Variants in APOOL observed in about 807,000 individuals in gnomAD.
APOOL encodes MICOS complex subunit MIC27.
Under a neutral mutation model 23.1 loss-of-function variants are expected in APOOL, and 12 were observed. The ratio of observed to expected loss-of-function variants is 0.52; its 90% confidence interval spans 0.33 to 0.84. The LOEUF is 0.84. APOOL is among the 40% of genes least tolerant of loss of function. The pLI, the probability that APOOL is intolerant of heterozygous loss-of-function variation, is 0.02. For missense variants in APOOL, 212 were observed against 199.6 expected (o/e 1.06, Z -0.37); for synonymous variants, 77 against 69.9 (o/e 1.10, Z -0.51).
intron 1 of APOOL, among the ~76,000 whole-genome samples, chrX:85,005,394 A>ACG (rs1466980005): frequency 4.6e-3 from 12 of 2,592 alleles, no homozygotes; most frequent in African/African-American, 0.014. Context: ...CTCGTGATTC[A>ACG]CCCCCCCCCC....
chrX:85,046,504 C>T lies in APOOL; in HGVS notation c.74C>T (p.Ala25Val), dbSNP rs1198802369. 1 of 1,207,778 alleles carries T rather than the reference C, an allele frequency of 8.3e-7. No homozygotes were observed. The highest frequency in any genetic ancestry group is 1.1e-6 in the Non-Finnish European group (1 of 894,024). Residue 25 changes from alanine (A) to valine (V), a missense_variant, in exon 2 of 9, where the codon GCA becomes GTA. Physicochemically the swap from Ala to Val is moderately conservative, Grantham distance 64. Coordinates refer to ENST00000373173, the MANE Select transcript of APOOL (RefSeq NM_198450.6). Reference protein sequence around the residue: ...GLIYASVSVHAAKQEESKKQL... With the variant: ...GLIYASVSVHVAKQEESKKQL... ...ATATATGCATCTGTAAGTGTACATG[C>T]AGCCAAACAAGAGGAATCCAAAAAG...
intron 5 of APOOL, among the ~76,000 whole-genome samples, chrX:85,057,706 C>T (rs1923028911): frequency 9.5e-6 from 1 of 105,684 alleles, no homozygotes; most frequent in African/African-American, 3.5e-5. Context: ...TATATATCTC[C>T]CTATAGCTAA....
At chrX:85,077,816 G>A (rs1395593994) in intron 8 of APOOL, among the ~76,000 whole-genome samples, 1 of 111,597 alleles carries the variant, frequency 9.0e-6, no homozygotes, top group Non-Finnish European at 1.9e-5. Flanking sequence ...GGTGTGAGAT[G>A]GTATCTCATT....
At chrX:85,055,017 A>G (rs1714233445) in intron 4 of APOOL, among the ~76,000 whole-genome samples, 1 of 111,950 alleles carries the variant, frequency 8.9e-6, no homozygotes, top group Non-Finnish European at 1.9e-5. Context: ...ATAGCTTTGT[A>G]ATATTCTTGG....
At chrX:85,050,505 A>G (rs1922727108) in intron 2 of APOOL, among the ~76,000 whole-genome samples, 1 of 109,425 alleles carries the variant, frequency 9.1e-6, no homozygotes, top group Non-Finnish European at 1.9e-5. Flanking sequence ...GTCATTAATC[A>G]TCTAGTTCCC....
intron 1 of APOOL, among the ~76,000 whole-genome samples, chrX:85,043,049 C>G (rs927819955): frequency 1.7e-4 from 19 of 111,142 alleles, no homozygotes; most frequent in Admixed American, 4.8e-4. Context: ...TTATTGCAGG[C>G]ACAGTTGGAG....
At chrX:85,074,872 ATAT>A (rs1290943524) in intron 8 of APOOL, among the ~76,000 whole-genome samples, 4 of 110,449 alleles carry the variant, frequency 3.6e-5, no homozygotes, top group Non-Finnish European at 1.9e-5. Context: ...AATATTAGAA[ATAT>A]TATCCATTAT....
rs1924518699 is a variant in APOOL, at chrX:85,091,620, A to T, written c.*3942A>T. ...TCAAAGGACTTATACTCTACTAGGA[A>T]AGAGAGAAACATAGAAATATAGTGT... On this transcript the variant is annotated 3_prime_UTR_variant, in exon 9 of 9. Transcript: ENST00000373173. 1 of 111,862 alleles carries T rather than the reference A, an allele frequency of 8.9e-6. No homozygotes were observed. Among genetic ancestry groups the T allele is most frequent in the Non-Finnish European group, 1.9e-5 (1 of 53,219 alleles). 9.2% of individuals were successfully genotyped at this position (111,862 alleles called of 1,213,427 possible).
At chrX:85,061,299 A>T (rs1331576154) in intron 5 of APOOL, among the ~76,000 whole-genome samples, 2 of 110,973 alleles carry the variant, frequency 1.8e-5, no homozygotes, top group African/African-American at 6.6e-5. Context: ...TTTATTGAGG[A>T]TTTTTGCATC....
chrX:85,008,986 A>G (rs1402974337), intron 1 of APOOL, among the ~76,000 whole-genome samples: 1 of 111,445 alleles, frequency 9.0e-6, no homozygotes, highest in East Asian at 2.8e-4. Context: ...GTTTATTCTT[A>G]AGTGTTTTAT....
intron 5 of APOOL, 86 bp from the exon 6 acceptor site, chrX:85,067,041 G>A (rs1456065821): frequency 1.8e-6 from 1 of 563,324 alleles, no homozygotes; most frequent in Non-Finnish European, 2.8e-6. Flanking sequence ...GGCTTACCAG[G>A]AGAGCAAAGA....
chrX:85,056,899 CCTT>C (rs1344330821), intron 5 of APOOL, among the ~76,000 whole-genome samples: 3 of 111,670 alleles, frequency 2.7e-5, no homozygotes, highest in Non-Finnish European at 5.6e-5. Context: ...TGCAGTCAGA[CCTT>C]CTTCCCACTT....
At chrX:85,066,511 A>T (rs1375388350) in intron 5 of APOOL, among the ~76,000 whole-genome samples, 1 of 111,622 alleles carries the variant, frequency 9.0e-6, no homozygotes, top group Non-Finnish European at 1.9e-5. Flanking sequence ...GGATTTTGTT[A>T]TCAAAAAAAG....
At chrX:85,063,611 A>G (rs1224563975) in intron 5 of APOOL, among the ~76,000 whole-genome samples, 1 of 111,459 alleles carries the variant, frequency 9.0e-6, no homozygotes. Flanking sequence ...TTCTGCGTCT[A>G]TTCAGATAAT....
At chrX:85,084,475 G>A (rs964887267) in intron 8 of APOOL, among the ~76,000 whole-genome samples, 2 of 109,695 alleles carry the variant, frequency 1.8e-5, no homozygotes, top group East Asian at 5.7e-4. Context: ...CAAATGACAG[G>A]CTAAGTGGTT....
At chrX:85,073,892 T>C in intron 6 of APOOL, 106 bp from the exon 7 acceptor site, 1 of 509,963 alleles carries the variant, frequency 2.0e-6, no homozygotes, top group Non-Finnish European at 3.1e-6. Flanking sequence ...ATATCTTTAT[T>C]GATTCTGACT....
chrX:85,088,077 CATAT>C lies in APOOL; in HGVS notation c.*402_*405del, dbSNP rs1432579718. ...ATACATATATGTATAAATACATATA[CATAT>C]ATGTATAAATACATATACATATTTA... On this transcript the variant is annotated 3_prime_UTR_variant, in exon 9 of 9. Coordinates refer to ENST00000373173, the MANE Select transcript of APOOL (RefSeq NM_198450.6). The C allele has an allele frequency of 3.3e-4, 1 of 2,986 alleles. No individual in the cohort carries two copies. The highest frequency in any genetic ancestry group is 8.4e-4 in the African/African-American group (1 of 1,194). The allele number at this position is 2,986 out of a possible 1,213,427, so 0.2% of individuals were successfully genotyped here. A position where few individuals can be genotyped will look rare whatever the true frequency, so the allele number is the denominator to read the frequency against.
chrX:85,072,068 C>T (rs1301524760), intron 6 of APOOL, among the ~76,000 whole-genome samples: 1 of 111,514 alleles, frequency 9.0e-6, no homozygotes, highest in Non-Finnish European at 1.9e-5. Flanking sequence ...GAGATCACGC[C>T]ACTGTACTCC....
chrX:85,080,537 T>C (rs1480093380), intron 8 of APOOL: 1 of 111,773 alleles, frequency 8.9e-6, no homozygotes, highest in Non-Finnish European at 1.9e-5. Flanking sequence ...GGAATAAGTA[T>C]AATGTGGTGC....
Sources: allele counts gnomAD v4.1 joint callset (sites outside exome capture counted in the v4.1 genomes callset), GRCh38; gene constraint gnomAD v4.1.1; transcripts MANE v1.5; gene names NCBI Gene and HGNC (gene_info 2026-07-23, HGNC 2026-07-21).